Variants in OXR1 observed in about 807,000 individuals in gnomAD.
OXR1 encodes the protein oxidation resistance protein 1.
Under a neutral mutation model 104.6 loss-of-function variants are expected in OXR1, and 41 were observed. The observed-to-expected ratio is 0.39, with a 90% CI of 0.31 to 0.51. The LOEUF (loss-of-function observed/expected upper bound fraction) is 0.51, where lower values mean the gene tolerates loss of function less well. Ranked by LOEUF, OXR1 falls within the 20% of genes least tolerant of loss-of-function variation. The pLI is 0.77. For missense variants in OXR1, 955 were observed against 1,031.9 expected, an observed-to-expected ratio of 0.93 and a Z score of 1.02; for synonymous variants, 348 against 348.4, an observed-to-expected ratio of 1.00 and a Z score of 0.01.
intron 16 of OXR1, among the ~76,000 whole-genome samples, chr8:106,748,077 A>T (rs1016713042): frequency 6.6e-6 from 1 of 152,238 alleles, no homozygotes; most frequent in Non-Finnish European, 1.5e-5. Context: ...TATCTCTTTA[A>T]AGGCATGTTG....
chr8:106,339,865 G>A (rs1243021272), intron 1 of OXR1, among the ~76,000 whole-genome samples: 1 of 151,908 alleles, frequency 6.6e-6, no homozygotes, highest in East Asian at 1.9e-4. Flanking sequence ...GCTTTTGAAG[G>A]ATTAAATGAG....
intron 3 of OXR1, among the ~76,000 whole-genome samples, chr8:106,664,577 G>A (rs1826086420): frequency 6.6e-6 from 1 of 152,146 alleles, no homozygotes; most frequent in Non-Finnish European, 1.5e-5. Context: ...ATAGAATTAG[G>A]CCTATAAAAG....
intron 2 of OXR1, among the ~76,000 whole-genome samples, chr8:106,507,372 G>C (rs1812238467): frequency 6.6e-6 from 1 of 152,178 alleles, no homozygotes; most frequent in Non-Finnish European, 1.5e-5. Flanking sequence ...CCCATAATAA[G>C]AAGGCAAGTG....
chr8:106,653,508 A>G, intron 3 of OXR1, among the ~76,000 whole-genome samples: 2 of 151,958 alleles, frequency 1.3e-5, no homozygotes, highest in East Asian at 3.8e-4. Flanking sequence ...GCACAATATT[A>G]TATCAACAGA....
intron 1 of OXR1, among the ~76,000 whole-genome samples, chr8:106,311,547 G>A (rs1051690916): frequency 4.6e-5 from 7 of 152,026 alleles, no homozygotes; most frequent in Non-Finnish European, 7.4e-5. Context: ...TTCTGAACTC[G>A]TTCCTACTAG....
chr8:106,493,280 A>G (rs1324658456), intron 2 of OXR1, among the ~76,000 whole-genome samples: 1 of 152,138 alleles, frequency 6.6e-6, no homozygotes, highest in Non-Finnish European at 1.5e-5. Context: ...GGGTTCCAGT[A>G]TGCATTTGTC....
At chr8:106,315,816 C>A (rs1040371285) in intron 1 of OXR1, among the ~76,000 whole-genome samples, 4 of 152,184 alleles carry the variant, frequency 2.6e-5, no homozygotes, top group African/African-American at 9.6e-5. Context: ...TTACACTTAA[C>A]ACAAGTCCTT....
intron 7 of OXR1, among the ~76,000 whole-genome samples, chr8:106,693,896 T>A (rs1221544553): frequency 2.0e-5 from 3 of 152,176 alleles, no homozygotes; most frequent in Non-Finnish European, 4.4e-5. Flanking sequence ...GAGAACTATT[T>A]CTTTGAAGTA....
Position 106,710,625 on chromosome 8 carries a change from C to A in OXR1, c.1628C>A (p.Ser543Tyr). The stretch of plus-strand genomic sequence containing the variant: ...ACTGTTTGCATCTCAATTCTAGGTT[C>A]TGCACTTTTAAAAGAAAAGCAAAGG... ...ITSADGHIES[S>Y]ALLKEKQRHR... Residue 543 changes from serine to tyrosine, a missense_variant, in exon 10 of 17, where the codon TCT becomes TAT. Around this residue, in one of 2 missense-constraint regions of OXR1, gnomAD observed 849 missense variants for 852.9 expected, o/e 1.00. Coordinates refer to ENST00000517566, the MANE Select transcript of OXR1 (RefSeq NM_001198533.2). 1.3e-6 allele frequency: 2 copies of A among 1,583,104 alleles called. No individual in the cohort carries two copies. Among genetic ancestry groups the A allele is most frequent in the Non-Finnish European group, 1.7e-6 (2 of 1,164,926 alleles).
intron 3 of OXR1, among the ~76,000 whole-genome samples, chr8:106,677,754 C>T (rs771527775): frequency 7.2e-5 from 11 of 151,838 alleles, no homozygotes; most frequent in Admixed American, 3.3e-4. Context: ...TGTATGTATG[C>T]GCACGCGTGT....
intron 11 of OXR1, among the ~76,000 whole-genome samples, chr8:106,714,968 G>T (rs146005202): frequency 3.1e-3 from 477 of 152,192 alleles, no homozygotes; most frequent in Non-Finnish European, 4.7e-3. Flanking sequence ...GGGAGGGAAA[G>T]AAGAACATAT....
rs555918498 is a variant in OXR1 at position 106,531,894 on chromosome 8, C to G, written c.220+12755C>G. Among the ~76,000 whole-genome samples, 18 of 152,190 alleles carry G rather than the reference C, an allele frequency of 1.2e-4. 1 individual carries two copies. The highest frequency in any genetic ancestry group is 3.4e-4 in the African/African-American group (14 of 41,532). ...AGTGAGTGGGATGGAATGGGGATAG[C>G]CAAAAAGATGCACTTAAGGAAAAGG... On this transcript the variant is annotated intron_variant, in intron 3 of 16. Transcript: ENST00000517566.
At chr8:106,443,846 G>C (rs542530749) in intron 2 of OXR1, among the ~76,000 whole-genome samples, 2 of 151,998 alleles carry the variant, frequency 1.3e-5, no homozygotes, top group Non-Finnish European at 2.9e-5. Flanking sequence ...GACAAATGGG[G>C]TCTCATTAAG....
At chr8:106,553,027 A>G (rs1283926663) in intron 3 of OXR1, among the ~76,000 whole-genome samples, 1 of 152,142 alleles carries the variant, frequency 6.6e-6, no homozygotes, top group Admixed American at 6.5e-5. Context: ...GTAGGATTTT[A>G]TAAGTATTTG....
chr8:106,533,098 A>G (rs751426540), intron 3 of OXR1, among the ~76,000 whole-genome samples: 1 of 152,170 alleles, frequency 6.6e-6, no homozygotes, highest in African/African-American at 2.4e-5. Flanking sequence ...CAGCTGTGAC[A>G]GTTTATGGTG....
At chr8:106,510,790 G>C (rs1194926954) in intron 2 of OXR1, among the ~76,000 whole-genome samples, 1 of 152,130 alleles carries the variant, frequency 6.6e-6, no homozygotes, top group East Asian at 1.9e-4. Flanking sequence ...GAATTTCCAA[G>C]ATAGAAAAGC....
chr8:106,339,516 AAAAATATATATAT>A (rs1322981625), intron 1 of OXR1, among the ~76,000 whole-genome samples: 693 of 33,760 alleles, frequency 0.021, 65 homozygotes, highest in African/African-American at 0.11. Flanking sequence ...AAAAAAAAAA[AAAAATATATATAT>A]ATATATATAT....
chr8:106,522,212 T>C (rs1034023116), intron 3 of OXR1, among the ~76,000 whole-genome samples: 6 of 151,958 alleles, frequency 3.9e-5, no homozygotes, highest in African/African-American at 1.5e-4. Flanking sequence ...ATTCAGGGAG[T>C]AGAGGGGATT....
chr8:106,270,697 G>GC (rs1023962099), intron 1 of OXR1, among the ~76,000 whole-genome samples: 2 of 152,098 alleles, frequency 1.3e-5, no homozygotes, highest in African/African-American at 4.8e-5. Flanking sequence ...GGGCGCGGGA[G>GC]CCCGGCCAGG....
Sources: gnomAD v4.1 joint callset for allele counts (sites outside exome capture counted in the v4.1 genomes callset) on GRCh38, gnomAD v4.1.1 for gene constraint, gnomAD v4.1.1 regional missense constraint, MANE v1.5 for transcripts, NCBI Gene and HGNC (gene_info 2026-07-23, HGNC 2026-07-21) for gene names.